Variants in PRKN observed in about 807,000 individuals in gnomAD.
PRKN encodes the protein E3 ubiquitin-protein ligase parkin.
In PRKN, 56 loss-of-function variants were observed where a neutral mutation model predicts 59.5. That is an observed-to-expected ratio of 0.94 (90% confidence interval 0.76 to 1.18). PRKN has a LOEUF of 1.18. Among genes scored for constraint, PRKN ranks in the 50% most tolerant of loss-of-function variants. The pLI is 0.00. For synonymous variants in PRKN, 250 were observed against 222.1 expected, an observed-to-expected ratio of 1.13 and a Z score of -1.12; for missense variants, 657 against 596.4, an observed-to-expected ratio of 1.10 and a Z score of -1.06.
chr6:162,102,661 G>A (rs1034768266), intron 4 of PRKN, among the ~76,000 whole-genome samples: 3 of 147,866 alleles, frequency 2.0e-5, no homozygotes, highest in Non-Finnish European at 2.9e-5. Flanking sequence ...AGTTGGAAAA[G>A]TGGTTGTGGG....
chr6:162,180,055 A>AT (rs1783731405), intron 4 of PRKN, among the ~76,000 whole-genome samples: 1 of 150,914 alleles, frequency 6.6e-6, no homozygotes, highest in East Asian at 1.9e-4. Context: ...TGCATGCCAC[A>AT]GCTGGGGGCC....
intron 2 of PRKN, among the ~76,000 whole-genome samples, chr6:162,287,564 C>G (rs77171789): frequency 0.069 from 10,420 of 151,966 alleles, 492 homozygotes; most frequent in Middle Eastern, 0.16. Context: ...AGAGACCTTG[C>G]TCCTTGCAAA....
At chr6:162,496,218 T>A (rs568116247) in intron 1 of PRKN, among the ~76,000 whole-genome samples, 1 of 150,428 alleles carries the variant, frequency 6.6e-6, no homozygotes, top group Non-Finnish European at 1.5e-5. Context: ...ACCTGGGCAA[T>A]AGAGCGAGAC....
intron 3 of PRKN, among the ~76,000 whole-genome samples, chr6:162,255,492 G>A (rs1779604717): frequency 6.6e-6 from 1 of 152,136 alleles, no homozygotes; most frequent in Non-Finnish European, 1.5e-5. Flanking sequence ...TTCACTTGAG[G>A]ATCTTATTAA....
chr6:162,527,757 A>G (rs1391753770), intron 1 of PRKN, among the ~76,000 whole-genome samples: 1 of 152,182 alleles, frequency 6.6e-6, no homozygotes, highest in Non-Finnish European at 1.5e-5. Flanking sequence ...GGAGAAAGCA[A>G]TATAGCTCTC....
chr6:161,472,081 A>G (rs913210282), intron 9 of PRKN, among the ~76,000 whole-genome samples: 3 of 152,202 alleles, frequency 2.0e-5, no homozygotes, highest in African/African-American at 7.2e-5. Flanking sequence ...TGTTTGGACC[A>G]GGGTGTTTTG....
intron 3 of PRKN, among the ~76,000 whole-genome samples, chr6:162,242,712 C>T (rs553777152): frequency 2.0e-5 from 3 of 152,266 alleles, no homozygotes; most frequent in East Asian, 3.9e-4. Flanking sequence ...AAAAATGACT[C>T]ATGTCTACCC....
At position 161,675,586 on chromosome 6, in the gene PRKN, C is replaced by A. The variant is rs116380093; in HGVS notation, c.872-106170G>T. Among the ~76,000 whole-genome samples the A allele has an allele frequency of 7.3e-3, 1,105 of 152,280 alleles. 11 individuals are homozygous for A. The highest frequency in any genetic ancestry group is 0.025 in the African/African-American group (1,054 of 41,548). On this transcript the variant is annotated intron_variant, in intron 7 of 11. Transcript: ENST00000366898. ...AGTTCACGGGCAGTGGTGTGAGCAG[C>A]AAGAATGAATCTTCTTCATCTCCTT...
chr6:161,475,059 C>T lies in PRKN; in HGVS notation c.1083+73795G>A, dbSNP rs180984167. Among the ~76,000 whole-genome samples, 151 of 149,652 alleles carry T rather than the reference C, an allele frequency of 1.0e-3. No homozygotes were observed. Among genetic ancestry groups the T allele is most frequent in the Admixed American group, 8.2e-3 (123 of 15,058 alleles). The stretch of plus-strand genomic sequence containing the variant: ...AGCTGGGACTACAGGCATGCACCAC[C>T]ATGCCCAGCTAATTTTTAGTAGAGA... On this transcript the variant is annotated intron_variant, in intron 9 of 11. Coordinates refer to ENST00000366898, the MANE Select transcript of PRKN (RefSeq NM_004562.3). This position sits in a 1 kb window ranked among gnomAD's most constrained non-coding sequence, Gnocchi z 5.3.
intron 1 of PRKN, among the ~76,000 whole-genome samples, chr6:162,650,309 C>G (rs902889240): frequency 6.6e-6 from 1 of 152,072 alleles, no homozygotes; most frequent in African/African-American, 2.4e-5. Flanking sequence ...TTTGAAAACT[C>G]TCTGCCGGCC....
intron 6 of PRKN, among the ~76,000 whole-genome samples, chr6:161,909,012 C>T (rs568501746): frequency 2.0e-5 from 3 of 152,186 alleles, no homozygotes; most frequent in Non-Finnish European, 2.9e-5. Context: ...ATGTAAGGGG[C>T]GCTGTGTCAC....
chr6:161,495,712 G>A (rs540158446), intron 9 of PRKN, among the ~76,000 whole-genome samples: 1 of 152,320 alleles, frequency 6.6e-6, no homozygotes, highest in East Asian at 1.9e-4. Context: ...TGTCCTGAGA[G>A]AAAGAGGTTC....
chr6:161,961,045 C>G (rs1458199969), intron 6 of PRKN, among the ~76,000 whole-genome samples: 3 of 152,182 alleles, frequency 2.0e-5, no homozygotes, highest in Non-Finnish European at 4.4e-5. Context: ...TGCAAAATAT[C>G]TAACAAATGG....
At chr6:161,640,195 CT>C (rs1783687567) in intron 7 of PRKN, among the ~76,000 whole-genome samples, 1 of 152,166 alleles carries the variant, frequency 6.6e-6, no homozygotes, top group South Asian at 2.1e-4. Flanking sequence ...TATGAAAATA[CT>C]TTTTCTTCTC....
intron 9 of PRKN, among the ~76,000 whole-genome samples, chr6:161,504,770 C>T (rs1484576413): frequency 4.7e-5 from 7 of 149,348 alleles, no homozygotes; most frequent in East Asian, 2.0e-4. Flanking sequence ...TGAGAATATG[C>T]GGTGTTTGGT....
chr6:161,365,428 G>C (rs1011803266), intron 10 of PRKN, among the ~76,000 whole-genome samples: 2 of 152,128 alleles, frequency 1.3e-5, no homozygotes. Flanking sequence ...TTTCAACTGG[G>C]CGAATACAAT....
chr6:162,051,265 G>C (rs913091011), intron 5 of PRKN, among the ~76,000 whole-genome samples: 1 of 152,144 alleles, frequency 6.6e-6, no homozygotes, highest in South Asian at 2.1e-4. Context: ...ACACCCAGGA[G>C]AGGCCGTCTA....
chr6:161,644,723 A>T (rs1783861939), intron 7 of PRKN, among the ~76,000 whole-genome samples: 1 of 152,278 alleles, frequency 6.6e-6, no homozygotes, highest in South Asian at 2.1e-4. Context: ...CTGGGGAGAG[A>T]GTCTATTTGA....
At chr6:162,121,062 C>T (rs566367883) in intron 4 of PRKN, among the ~76,000 whole-genome samples, 1 of 152,290 alleles carries the variant, frequency 6.6e-6, no homozygotes, top group South Asian at 2.1e-4. Context: ...TAGCAACTTT[C>T]AAGGATCACC....
Sources: gnomAD v4.1 joint callset for allele counts (sites outside exome capture counted in the v4.1 genomes callset) on GRCh38, gnomAD v4.1.1 for gene constraint, Gnocchi (gnomAD v3.1) non-coding constraint, MANE v1.5 for transcripts, NCBI Gene and HGNC (gene_info 2026-07-23, HGNC 2026-07-21) for gene names.